EPHA6: variants seen among roughly 807,000 people sequenced by gnomAD.
EPHA6 encodes the protein ephrin type-A receptor 6.
Under a neutral mutation model 112.0 loss-of-function variants are expected in EPHA6, and 50 were observed. The observed-to-expected ratio is 0.45, with a 90% CI of 0.36 to 0.56. EPHA6 has a LOEUF of 0.56. EPHA6 is among the 20% of genes least tolerant of loss of function. The probability of loss-of-function intolerance (pLI) is 0.00; values close to 1 mark genes in which losing one functional copy is unlikely to be tolerated. For synonymous variants in EPHA6, 529 were observed against 490.7 expected (o/e 1.08, Z -1.03); for missense variants, 1,280 against 1,417.4 (o/e 0.90, Z 1.56).
chr3:96,893,359 T>C (rs2038086749), intron 2 of EPHA6, among the ~76,000 whole-genome samples: 1 of 152,188 alleles, frequency 6.6e-6, no homozygotes, highest in African/African-American at 2.4e-5. Flanking sequence ...ATCTCATGTT[T>C]ATTGTGTCTC....
intron 11 of EPHA6, among the ~76,000 whole-genome samples, chr3:97,548,312 C>T (rs1376889218): frequency 1.3e-5 from 2 of 152,152 alleles, no homozygotes; most frequent in African/African-American, 2.4e-5. Context: ...TATCAGGGGG[C>T]ACATGATGCC....
chr3:96,976,455 A>G (rs1441005687), intron 2 of EPHA6, among the ~76,000 whole-genome samples: 1 of 152,186 alleles, frequency 6.6e-6, no homozygotes, highest in Non-Finnish European at 1.5e-5. Context: ...AATGCTTATT[A>G]ACACATGATG....
chr3:97,406,531 A>T (rs1292589703), intron 6 of EPHA6, among the ~76,000 whole-genome samples: 3 of 152,146 alleles, frequency 2.0e-5, no homozygotes, highest in Non-Finnish European at 4.4e-5. Flanking sequence ...CCATCTCTTG[A>T]TTCTGTTATA....
intron 3 of EPHA6, among the ~76,000 whole-genome samples, chr3:97,021,634 C>G (rs115228604): frequency 2.1e-3 from 314 of 152,332 alleles, no homozygotes; most frequent in Non-Finnish European, 3.4e-3. Flanking sequence ...CTTGCAGAAG[C>G]CCACATTCTT....
rs148524363 is a variant in EPHA6, at chr3:97,613,751, C to T, written c.2574+2897C>T. Among the ~76,000 whole-genome samples, 36 of 152,266 alleles carry T rather than the reference C, an allele frequency of 2.4e-4. No homozygotes were observed. In the East Asian group the frequency reaches 7.0e-3, roughly 29 times the overall value. Reference sequence around the variant, plus strand: ...GACTTAGCAAGCAAATCATCAGCAGCCTGGCTGCCCAGAAGGCACAACTTC... The same window carrying T: ...GACTTAGCAAGCAAATCATCAGCAGTCTGGCTGCCCAGAAGGCACAACTTC... On this transcript the variant is annotated intron_variant, in intron 13 of 17. Transcript: ENST00000389672.
At chr3:97,177,723 G>A (rs2108443224) in intron 3 of EPHA6, among the ~76,000 whole-genome samples, 1 of 151,906 alleles carries the variant, frequency 6.6e-6, no homozygotes, top group African/African-American at 2.4e-5. Context: ...TCTTCTTATA[G>A]TTTTTGACTT....
chr3:96,913,378 A>T (rs2039329865), intron 2 of EPHA6, among the ~76,000 whole-genome samples: 1 of 151,968 alleles, frequency 6.6e-6, no homozygotes, highest in African/African-American at 2.4e-5. Context: ...TCAAAAAAAA[A>T]AATAATGTGG....
chr3:96,823,324 A>G (rs1024365815), intron 1 of EPHA6, among the ~76,000 whole-genome samples: 1 of 151,732 alleles, frequency 6.6e-6, no homozygotes, highest in African/African-American at 2.4e-5. Context: ...TTAAAGAAAA[A>G]CAGAGTCAGG....
At chr3:96,961,983 G>A (rs2041961353) in intron 2 of EPHA6, among the ~76,000 whole-genome samples, 1 of 152,166 alleles carries the variant, frequency 6.6e-6, no homozygotes, top group Non-Finnish European at 1.5e-5. Context: ...CCATTGATAA[G>A]TGGAGCCTAA....
At chr3:97,457,257 AG>A (rs2090720936) in intron 7 of EPHA6, among the ~76,000 whole-genome samples, 1 of 152,212 alleles carries the variant, frequency 6.6e-6, no homozygotes, top group Non-Finnish European at 1.5e-5. Flanking sequence ...AGCTGGTTGT[AG>A]AGTATCATAG....
intron 11 of EPHA6, among the ~76,000 whole-genome samples, chr3:97,585,703 G>A (rs2107311341): frequency 6.6e-6 from 1 of 151,086 alleles, no homozygotes; most frequent in South Asian, 2.1e-4. Context: ...CAGGTAAAGA[G>A]GAAAATACTA....
In EPHA6 at chr3:97,619,591, G is replaced by A. The variant is rs189844011; in HGVS notation, c.2574+8737G>A. Reference sequence around the variant, plus strand: ...AACTCTCAGGATACAAAATCAATGTGGAATCATTACGAGCATTCCTATACA... The same window carrying A: ...AACTCTCAGGATACAAAATCAATGTAGAATCATTACGAGCATTCCTATACA... On this transcript the variant is annotated intron_variant, in intron 13 of 17. Transcript: ENST00000389672. Among the ~76,000 whole-genome samples the A allele has an allele frequency of 2.8e-3, 425 of 151,878 alleles. 2 individuals are homozygous for A. Among genetic ancestry groups the A allele is most frequent in the Middle Eastern group, 0.01 (3 of 294 alleles).
At chr3:97,653,297 C>G (rs2094118631) in intron 14 of EPHA6, among the ~76,000 whole-genome samples, 1 of 151,820 alleles carries the variant, frequency 6.6e-6, no homozygotes, top group Admixed American at 6.6e-5. Context: ...ATGTAAGGAA[C>G]TCATACAACT....
At chr3:96,958,046 TC>T (rs2041825859) in intron 2 of EPHA6, among the ~76,000 whole-genome samples, 1 of 152,196 alleles carries the variant, frequency 6.6e-6, no homozygotes, top group Non-Finnish European at 1.5e-5. Flanking sequence ...ACTCAACTAC[TC>T]ATTGAATATT....
chr3:97,670,700 A>G (rs2030719996), intron 14 of EPHA6, among the ~76,000 whole-genome samples: 1 of 152,212 alleles, frequency 6.6e-6, no homozygotes, highest in Non-Finnish European at 1.5e-5. Flanking sequence ...ATCTGATTTG[A>G]AAGATGTCTG....
intron 14 of EPHA6, among the ~76,000 whole-genome samples, chr3:97,689,498 T>C (rs2032502096): frequency 6.6e-6 from 1 of 152,214 alleles, no homozygotes; most frequent in South Asian, 2.1e-4. Context: ...GGCCTCTCTA[T>C]GGCCCTGAAA....
At chr3:97,254,641 C>G (rs2079249634) in intron 5 of EPHA6, among the ~76,000 whole-genome samples, 1 of 152,146 alleles carries the variant, frequency 6.6e-6, no homozygotes, top group African/African-American at 2.4e-5. Flanking sequence ...TTGAAGTAAT[C>G]TAAAGAGAAT....
At chr3:97,664,988 C>T (rs1206554677) in intron 14 of EPHA6, among the ~76,000 whole-genome samples, 1 of 152,002 alleles carries the variant, frequency 6.6e-6, no homozygotes, top group South Asian at 2.1e-4. Context: ...CATATGGAAC[C>T]AAAAAAGAGC....
At chr3:96,815,136 G>A (rs935367772) in intron 1 of EPHA6, 128 bp downstream of exon 1, 2 of 892,268 alleles carry the variant, frequency 2.2e-6, no homozygotes, top group African/African-American at 1.7e-5. Context: ...CACACGAGGG[G>A]ATCGAGGATG....
Sources: gnomAD v4.1 joint callset for allele counts (sites outside exome capture counted in the v4.1 genomes callset) on GRCh38, gnomAD v4.1.1 for gene constraint, MANE v1.5 for transcripts, NCBI Gene and HGNC (gene_info 2026-07-23, HGNC 2026-07-21) for gene names.